Variants in SLC25A26 observed in about 807,000 individuals in gnomAD.
SLC25A26 encodes the protein mitochondrial S-adenosylmethionine carrier protein.
In SLC25A26, 36 loss-of-function variants were observed where a neutral mutation model predicts 37.8. The ratio of observed to expected loss-of-function variants is 0.95; its 90% confidence interval spans 0.73 to 1.26. SLC25A26 has a LOEUF of 1.26. SLC25A26 is among the 50% of genes most tolerant of loss of function. The pLI is 0.00. For synonymous variants in SLC25A26, 129 were observed against 122.5 expected (o/e 1.05, Z -0.35); for missense variants, 390 against 331.1 (o/e 1.18, Z -1.38).
chr3:66,191,720 T>A (rs2070945654), intron 1 of SLC25A26, among the ~76,000 whole-genome samples: 1 of 151,558 alleles, frequency 6.6e-6, no homozygotes, highest in African/African-American at 2.4e-5. Flanking sequence ...TGAAACTCCA[T>A]CTCTACTAAA....
chr3:66,292,399 T>A (rs1202794120), intron 5 of SLC25A26, among the ~76,000 whole-genome samples: 1 of 152,180 alleles, frequency 6.6e-6, no homozygotes, highest in Non-Finnish European at 1.5e-5. Flanking sequence ...GTGTTGACGG[T>A]CTTTACAATT....
At chr3:66,369,367 AGCCAG>A (rs1700223084) in intron 7 of SLC25A26, 106 bp from the exon 8 acceptor site, 2 of 812,940 alleles carry the variant, frequency 2.5e-6, no homozygotes, top group African/African-American at 3.4e-5. Flanking sequence ...TTCTTCAATC[AGCCAG>A]GTGTACATAA....
chr3:66,162,334 AT>A (rs796147816), intron 1 of SLC25A26, among the ~76,000 whole-genome samples: 15 of 52,854 alleles, frequency 2.8e-4, no homozygotes, highest in East Asian at 1.8e-3. Context: ...TTCAACATGG[AT>A]TTTTTTTTCT....
chr3:66,334,469 C>T (rs1439038233), intron 5 of SLC25A26, among the ~76,000 whole-genome samples: 2 of 152,056 alleles, frequency 1.3e-5, no homozygotes, highest in East Asian at 3.9e-4. Flanking sequence ...TGTGTGCCAC[C>T]ATGCCTGGCT....
chr3:66,261,927 C>A, intron 3 of SLC25A26, 124 bp from the exon 4 acceptor site: 25 of 576,732 alleles, frequency 4.3e-5, no homozygotes, highest in Admixed American at 1.0e-4. Context: ...AAAAAAGAAA[C>A]TTTTTGACAT....
At chr3:66,253,029 C>CCG (rs1386453008) in intron 3 of SLC25A26, among the ~76,000 whole-genome samples, 1 of 147,608 alleles carries the variant, frequency 6.8e-6, no homozygotes, top group Non-Finnish European at 1.5e-5. Context: ...TAATGCCCCC[C>CCG]CCCCCCCATA....
At chr3:66,136,219 C>A (rs1201024302) in intron 1 of SLC25A26, among the ~76,000 whole-genome samples, 1 of 152,166 alleles carries the variant, frequency 6.6e-6, no homozygotes, top group Non-Finnish European at 1.5e-5. Flanking sequence ...TGCTGTTGGA[C>A]TTCTCCTTTG....
chr3:66,248,557 CTT>C (rs782512451), intron 3 of SLC25A26, among the ~76,000 whole-genome samples: 6 of 152,226 alleles, frequency 3.9e-5, no homozygotes, highest in Non-Finnish European at 7.4e-5. Flanking sequence ...CTACTTTTGT[CTT>C]TATTCATATT....
At chr3:66,150,625 T>TC (rs1167604927) in intron 1 of SLC25A26, among the ~76,000 whole-genome samples, 5 of 70,594 alleles carry the variant, frequency 7.1e-5, no homozygotes, top group Non-Finnish European at 1.4e-4. Flanking sequence ...TATATATATA[T>TC]ATATATATAT....
At chr3:66,247,458 C>T (rs1438458432) in intron 3 of SLC25A26, among the ~76,000 whole-genome samples, 1 of 152,006 alleles carries the variant, frequency 6.6e-6, no homozygotes, top group Non-Finnish European at 1.5e-5. Context: ...TAGGCAGGTG[C>T]CACTATGCCT....
chr3:66,188,602 G>A (rs1164879658), intron 1 of SLC25A26, among the ~76,000 whole-genome samples: 1 of 152,152 alleles, frequency 6.6e-6, no homozygotes. Context: ...GAGGCAGCCT[G>A]AGGCTCTTGC....
chr3:66,244,931 C>G (rs1187709525), intron 3 of SLC25A26, among the ~76,000 whole-genome samples: 1 of 152,098 alleles, frequency 6.6e-6, no homozygotes, highest in Non-Finnish European at 1.5e-5. Flanking sequence ...GAGCCGAGAT[C>G]AAGCCGCTGC....
At chr3:66,299,556 C>T (rs1270187008) in intron 5 of SLC25A26, among the ~76,000 whole-genome samples, 1 of 152,110 alleles carries the variant, frequency 6.6e-6, no homozygotes, top group Non-Finnish European at 1.5e-5. Flanking sequence ...TATGTTAACC[C>T]CCAGTCACTA....
intron 5 of SLC25A26, among the ~76,000 whole-genome samples, chr3:66,340,206 A>G (rs1328869931): frequency 2.0e-5 from 3 of 152,020 alleles, no homozygotes; most frequent in East Asian, 3.9e-4. Context: ...TCACTGGTCT[A>G]TATGTCTGTC....
intron 1 of SLC25A26, among the ~76,000 whole-genome samples, chr3:66,209,571 G>T (rs915793789): frequency 7.3e-6 from 1 of 136,446 alleles, no homozygotes; most frequent in African/African-American, 2.7e-5. Context: ...TTTTATATAC[G>T]TATAAAAGTA....
At position 66,370,703 on chromosome 3, in the gene SLC25A26, C is replaced by G. The variant is rs534782618; in HGVS notation, c.707+101C>G. 9 of 885,330 alleles carry G rather than the reference C, an allele frequency of 1.0e-5. No individual in the cohort carries two copies. The Admixed American group carries it at 2.0e-4, about 20-fold the overall frequency. 54.8% of individuals were successfully genotyped at this position (885,330 alleles called of 1,614,324 possible). A position where few individuals can be genotyped will look rare whatever the true frequency, so the allele number is the denominator to read the frequency against. ...CCTCTCCTTCCCTTCTGCTTATGTT[C>G]TGCTTTGAGTTTCTATTTATTGTGC... On this transcript the variant is annotated intron_variant, in intron 9 of 9. Transcript: ENST00000354883.
intron 6 of SLC25A26, among the ~76,000 whole-genome samples, chr3:66,354,750 G>A (rs973145335): frequency 6.6e-6 from 1 of 152,152 alleles, no homozygotes; most frequent in Non-Finnish European, 1.5e-5. Context: ...GGAGGGGATT[G>A]AATTATGGGG....
intron 1 of SLC25A26, among the ~76,000 whole-genome samples, chr3:66,136,392 A>C (rs1360342952): frequency 6.6e-6 from 1 of 152,240 alleles, no homozygotes; most frequent in Non-Finnish European, 1.5e-5. Context: ...ATTAAAAACT[A>C]CTTATCACTC....
intron 5 of SLC25A26, among the ~76,000 whole-genome samples, chr3:66,343,747 C>G (rs1015880165): frequency 3.3e-5 from 5 of 152,126 alleles, no homozygotes; most frequent in Non-Finnish European, 7.3e-5. Context: ...TACCTTCTTA[C>G]TAATCCATAA....
Sources: gnomAD v4.1 joint callset for allele counts (sites outside exome capture counted in the v4.1 genomes callset) on GRCh38, gnomAD v4.1.1 for gene constraint, MANE v1.5 for transcripts, NCBI Gene and HGNC (gene_info 2026-07-23, HGNC 2026-07-21) for gene names.